DOCK2: variants seen among roughly 807,000 people sequenced by gnomAD.
The protein encoded by DOCK2 is dedicator of cytokinesis 2.
In DOCK2, 87 loss-of-function variants were observed where a neutral mutation model predicts 248.9. That is an observed-to-expected ratio of 0.35 (90% CI 0.29 to 0.42). DOCK2 has a LOEUF of 0.42. Among genes scored for constraint, DOCK2 ranks in the 10% least tolerant of loss-of-function variants. The pLI, the probability that DOCK2 is intolerant of heterozygous loss-of-function variation, is 1.00. For synonymous variants in DOCK2, 805 were observed against 821.6 expected, an observed-to-expected ratio of 0.98 and a Z score of 0.35; for missense variants, 1,747 against 2,300.2, an observed-to-expected ratio of 0.76 and a Z score of 4.92.
intron 4 of DOCK2, 47 bp from the exon 5 acceptor site, chr5:169,671,031 G>A: frequency 6.5e-7 from 1 of 1,548,740 alleles, no homozygotes. Flanking sequence ...TATCTTGTTA[G>A]CACCTGGGTC....
At chr5:169,713,993 C>T in intron 17 of DOCK2, 35 bp from the exon 18 acceptor site, 1 of 1,555,418 alleles carries the variant, frequency 6.4e-7, no homozygotes, top group South Asian at 1.2e-5. Flanking sequence ...GGCATGGAGC[C>T]TTGGCTTGGG....
intron 26 of DOCK2, among the ~76,000 whole-genome samples, chr5:169,804,479 TGTGTGTGCGCGCGC>T (rs1378820157): frequency 2.8e-5 from 2 of 70,560 alleles, no homozygotes; most frequent in Non-Finnish European, 7.4e-5. Flanking sequence ...TGTGTGTGTG[TGTGTGTGCGCGCGC>T]GCGTGCGCGT....
chr5:170,030,174 G>A (rs781101432), intron 34 of DOCK2, among the ~76,000 whole-genome samples: 4 of 152,200 alleles, frequency 2.6e-5, no homozygotes, highest in African/African-American at 4.8e-5. Flanking sequence ...GCTCTGCGGC[G>A]GTCTTCAGAT....
intron 27 of DOCK2, among the ~76,000 whole-genome samples, chr5:169,862,021 G>A (rs910281174): frequency 1.3e-5 from 2 of 151,532 alleles, no homozygotes; most frequent in Non-Finnish European, 2.9e-5. Flanking sequence ...GTTCATGTGA[G>A]GGCCTCAACT....
At chr5:169,699,245 A>G (rs1407101157) in intron 11 of DOCK2, 137 bp from the exon 12 acceptor site, 2 of 610,126 alleles carry the variant, frequency 3.3e-6, no homozygotes, top group East Asian at 6.1e-5. Flanking sequence ...TCTTGATGGC[A>G]TGTATATACC....
intron 13 of DOCK2, among the ~76,000 whole-genome samples, chr5:169,701,232 A>G (rs997754292): frequency 6.6e-6 from 1 of 152,224 alleles, no homozygotes; most frequent in Non-Finnish European, 1.5e-5. Context: ...GCATTGCCCG[A>G]TTCTAGAATT....
chr5:169,727,225 G>A (rs1176247118), intron 22 of DOCK2, among the ~76,000 whole-genome samples: 1 of 152,114 alleles, frequency 6.6e-6, no homozygotes, highest in East Asian at 1.9e-4. Flanking sequence ...TCTGTGCTTG[G>A]CCCTGCATTG....
At chr5:169,677,533 C>G (rs912180216) in intron 6 of DOCK2, among the ~76,000 whole-genome samples, 1 of 152,164 alleles carries the variant, frequency 6.6e-6, no homozygotes, top group African/African-American at 2.4e-5. Context: ...ATGCTCTTGT[C>G]TCCATAAATA....
chr5:169,939,090 G>A (rs1375669553), intron 27 of DOCK2, among the ~76,000 whole-genome samples: 1 of 151,822 alleles, frequency 6.6e-6, no homozygotes, highest in Non-Finnish European at 1.5e-5. Flanking sequence ...ATTTTTAGTA[G>A]AGACGGGGTT....
chr5:169,942,437 T>C (rs1177502284), intron 27 of DOCK2, among the ~76,000 whole-genome samples: 2 of 152,230 alleles, frequency 1.3e-5, no homozygotes, highest in Non-Finnish European at 2.9e-5. Flanking sequence ...CAACAGTTCA[T>C]GCACTCGTCC....
At chr5:169,674,596 G>T (rs961504809) in intron 6 of DOCK2, 151 bp downstream of exon 6, 2 of 1,172,116 alleles carry the variant, frequency 1.7e-6, no homozygotes, top group African/African-American at 3.1e-5. Context: ...CTTGCGTGCC[G>T]TTGTTACCAC....
intron 27 of DOCK2, among the ~76,000 whole-genome samples, chr5:169,860,579 G>C (rs541790432): frequency 6.6e-6 from 1 of 152,142 alleles, no homozygotes; most frequent in East Asian, 1.9e-4. Context: ...CTATGTCCAG[G>C]GTTTGTTTTT....
intron 25 of DOCK2, among the ~76,000 whole-genome samples, chr5:169,762,721 C>T (rs755310013): frequency 2.9e-4 from 44 of 152,156 alleles, no homozygotes; most frequent in Non-Finnish European, 5.0e-4. Flanking sequence ...TTTCTGTATC[C>T]TAAGACCCAG....
chr5:169,678,072 C>G (rs1275854979), intron 6 of DOCK2, among the ~76,000 whole-genome samples: 1 of 152,142 alleles, frequency 6.6e-6, no homozygotes, highest in Non-Finnish European at 1.5e-5. Context: ...GCTCTCATGC[C>G]TGGTTTGTTT....
At chr5:169,875,072 C>A (rs1179726454) in intron 27 of DOCK2, among the ~76,000 whole-genome samples, 1 of 152,180 alleles carries the variant, frequency 6.6e-6, no homozygotes, top group Non-Finnish European at 1.5e-5. Context: ...GTAGTAAGAA[C>A]TAAAGCTACT....
At chr5:170,046,726 C>T (rs1756726196) in intron 39 of DOCK2, among the ~76,000 whole-genome samples, 2 of 152,100 alleles carry the variant, frequency 1.3e-5, no homozygotes, top group Admixed American at 1.3e-4. Context: ...CGTGTACCTC[C>T]ACATAGATGT....
chr5:170,027,829 T>C lies in DOCK2; in HGVS notation c.3382-34T>C, dbSNP rs13157227. 570,431 of 1,585,434 alleles carry C rather than the reference T, an allele frequency of 0.36. 106,655 individuals are homozygous for C. The highest frequency in any genetic ancestry group is 0.56 in the East Asian group (25,116 of 44,544). On this transcript the variant is annotated intron_variant, in intron 33 of 51. Transcript: ENST00000520908. ...CTAATTTCAGCCCTCAGCCTTCTGA[T>C]GTTATTGTTGATTTTTGTCTCCTAC...
chr5:169,708,779 G>A (rs944439292), intron 15 of DOCK2, among the ~76,000 whole-genome samples: 1 of 152,100 alleles, frequency 6.6e-6, no homozygotes. Flanking sequence ...AGGCCAGGCT[G>A]GTCTCAAACT....
At chr5:169,878,277 T>G (rs1401093523) in intron 27 of DOCK2, among the ~76,000 whole-genome samples, 3 of 152,056 alleles carry the variant, frequency 2.0e-5, no homozygotes, top group Non-Finnish European at 2.9e-5. Context: ...TCCACCTTCA[T>G]GGTTTTTGCA....
Sources: allele counts gnomAD v4.1 joint callset (sites outside exome capture counted in the v4.1 genomes callset), GRCh38; gene constraint gnomAD v4.1.1; transcripts MANE v1.5; gene names NCBI Gene and HGNC (gene_info 2026-07-23, HGNC 2026-07-21).